The following C8orf34 variants were observed in gnomAD, a reference collection of about 807,000 sequenced individuals.
C8orf34 encodes uncharacterized protein C8orf34.
A neutral mutation model predicts 68.3 loss-of-function variants in C8orf34; 65 were observed. The ratio of observed to expected loss-of-function variants is 0.95; its 90% CI spans 0.78 to 1.17. C8orf34 has a LOEUF of 1.17. Ranked by LOEUF, C8orf34 falls within the 50% of genes most tolerant of loss-of-function variation. The pLI is 0.00. For synonymous variants in C8orf34, 244 were observed against 241.2 expected (o/e 1.01, Z -0.11); for missense variants, 664 against 655.4 (o/e 1.01, Z -0.14).
At chr8:68,813,637 G>T (rs569203721) in intron 12 of C8orf34, among the ~76,000 whole-genome samples, 2 of 152,100 alleles carry the variant, frequency 1.3e-5, no homozygotes, top group African/African-American at 4.8e-5. Flanking sequence ...GGAAGCTGTT[G>T]CTTCTCTCCA....
intron 1 of C8orf34, among the ~76,000 whole-genome samples, chr8:68,349,774 G>A (rs1467470812): frequency 6.6e-6 from 1 of 151,378 alleles, no homozygotes; most frequent in Non-Finnish European, 1.5e-5. Flanking sequence ...AGTTTCTGAT[G>A]GTTGTTTTTA....
chr8:68,664,052 A>G (rs941392640), intron 8 of C8orf34, among the ~76,000 whole-genome samples: 16 of 152,134 alleles, frequency 1.1e-4, no homozygotes, highest in Admixed American at 9.8e-4. Context: ...TGTTACTGGA[A>G]GGGGAAAGAG....
At chr8:68,504,026 A>G (rs1460874787) in intron 5 of C8orf34, among the ~76,000 whole-genome samples, 1 of 152,192 alleles carries the variant, frequency 6.6e-6, no homozygotes, top group Non-Finnish European at 1.5e-5. Flanking sequence ...CACAACCTAA[A>G]TTTAGAACAA....
At chr8:68,597,983 A>G (rs954143348) in intron 7 of C8orf34, among the ~76,000 whole-genome samples, 2 of 152,168 alleles carry the variant, frequency 1.3e-5, no homozygotes, top group African/African-American at 4.8e-5. Context: ...AAGAACATTA[A>G]TATTTTGATG....
At chr8:68,573,529 T>C (rs1816816460) in intron 7 of C8orf34, among the ~76,000 whole-genome samples, 1 of 152,180 alleles carries the variant, frequency 6.6e-6, no homozygotes, top group African/African-American at 2.4e-5. Flanking sequence ...TTATTCGTTG[T>C]ACTAATAAGA....
intron 9 of C8orf34, among the ~76,000 whole-genome samples, chr8:68,713,527 C>T (rs1348680347): frequency 6.6e-6 from 1 of 152,002 alleles, no homozygotes; most frequent in Non-Finnish European, 1.5e-5. Flanking sequence ...CTATGAACAC[C>T]TTTACACACA....
At chr8:68,396,142 C>T (rs1432512258) in intron 1 of C8orf34, among the ~76,000 whole-genome samples, 3 of 151,910 alleles carry the variant, frequency 2.0e-5, no homozygotes, top group Non-Finnish European at 4.4e-5. Flanking sequence ...AACCCCTGCA[C>T]ACTGTGACCC....
chr8:68,333,951 T>C (rs1805740550), intron 1 of C8orf34, among the ~76,000 whole-genome samples: 1 of 152,246 alleles, frequency 6.6e-6, no homozygotes, highest in South Asian at 2.1e-4. Flanking sequence ...TAGGAATGTT[T>C]TAAGAAAACT....
chr8:68,399,477 G>A (rs908154864), intron 1 of C8orf34, among the ~76,000 whole-genome samples: 1 of 152,088 alleles, frequency 6.6e-6, no homozygotes, highest in Non-Finnish European at 1.5e-5. Context: ...CTATGTCACT[G>A]CAAAAGACAT....
chr8:68,769,252 T>C (rs1563658645), intron 10 of C8orf34, among the ~76,000 whole-genome samples: 1 of 151,984 alleles, frequency 6.6e-6, no homozygotes, highest in Non-Finnish European at 1.5e-5. Context: ...CAATCTTCAA[T>C]GTTTGTCACT....
At chr8:68,801,115 A>G (rs1486410166) in intron 12 of C8orf34, among the ~76,000 whole-genome samples, 1 of 152,158 alleles carries the variant, frequency 6.6e-6, no homozygotes, top group Non-Finnish European at 1.5e-5. Context: ...TCAAGCTGAT[A>G]GCTAAGGCTG....
chr8:68,495,049 A>C (rs976587795), intron 5 of C8orf34, among the ~76,000 whole-genome samples: 3 of 151,750 alleles, frequency 2.0e-5, no homozygotes, highest in Non-Finnish European at 4.4e-5. Flanking sequence ...AGTAAACTTC[A>C]GTTAGAACAA....
In C8orf34 at chr8:68,439,520, A is replaced by C; in HGVS notation, c.349A>C (p.Thr117Pro). 2.5e-6 allele frequency: 4 copies of C among 1,613,568 alleles called. No individual in the cohort carries two copies. ...TCAGGAATTAATGACCAAGTTAATA[A>C]CTGAGACACCTGACCAGCCAATCCC... is the stretch of plus-strand genomic sequence containing the variant. ...LFEELMTKLI[T>P]ETPDQPIPFL... is the part of the protein sequence containing the mutation. Residue 117 changes from threonine to proline, a missense_variant, in exon 2 of 14, where the codon ACT (threonine) becomes CCT (proline). Physicochemically the swap from Thr to Pro is conservative, Grantham distance 38. Coordinates refer to ENST00000518698, the MANE Select transcript of C8orf34 (RefSeq NM_052958.4).
In C8orf34 at chr8:68,747,003, G is replaced by A. The variant is rs1159673368; in HGVS notation, c.1404+25566G>A. 1.1e-4 allele frequency among the ~76,000 whole-genome samples: 16 copies of A among 144,892 alleles called. No individual in the cohort carries two copies. The South Asian group carries it at 1.3e-3, about 12-fold the overall frequency. ...ATCCTCAATAAAATACTGGCAAACC[G>A]AATCCAGCAGCACATCAAAAAGCTT... On this transcript the variant is annotated intron_variant, in intron 10 of 13. Transcript: ENST00000518698.
chr8:68,795,905 C>T (rs1824165669), intron 12 of C8orf34, among the ~76,000 whole-genome samples: 1 of 152,184 alleles, frequency 6.6e-6, no homozygotes, highest in South Asian at 2.1e-4. Flanking sequence ...TTTTGACAAA[C>T]ATCCTAAGGG....
intron 4 of C8orf34, among the ~76,000 whole-genome samples, chr8:68,479,886 C>T (rs1812784819): frequency 6.6e-6 from 1 of 152,176 alleles, no homozygotes; most frequent in East Asian, 1.9e-4. Context: ...AACTCTCGCC[C>T]ATGGGCCAAA....
In C8orf34 at chr8:68,598,776, T is replaced by C. The variant is rs147545879; in HGVS notation, c.1106-41600T>C. Among the ~76,000 whole-genome samples the C allele has an allele frequency of 1.2e-3, 190 of 152,230 alleles. 5 individuals are homozygous for C. The East Asian group carries it at 0.031, about 24-fold the overall frequency. ...TTCAGGAAAAAATATCAGATCTGAA[T>C]AGAAAATTTGTAAGATGTTAACTTA... is the stretch of plus-strand genomic sequence containing the variant. On this transcript the variant is annotated intron_variant, in intron 7 of 13. Transcript: ENST00000518698.
At chr8:68,391,350 G>C (rs1808471875) in intron 1 of C8orf34, among the ~76,000 whole-genome samples, 1 of 151,610 alleles carries the variant, frequency 6.6e-6, no homozygotes, top group South Asian at 2.1e-4. Context: ...AATTCAAATT[G>C]GAAGGAGATT....
intron 4 of C8orf34, among the ~76,000 whole-genome samples, chr8:68,483,466 A>G (rs1250972790): frequency 8.5e-5 from 13 of 152,140 alleles, no homozygotes; most frequent in Admixed American, 8.5e-4. Context: ...GGGCTTATAT[A>G]TCATAGGGAA....
Sources: gnomAD v4.1 joint callset for allele counts (sites outside exome capture counted in the v4.1 genomes callset) on GRCh38, gnomAD v4.1.1 for gene constraint, MANE v1.5 for transcripts, NCBI Gene and HGNC (gene_info 2026-07-23, HGNC 2026-07-21) for gene names.